Variants in LRPPRC observed in about 807,000 individuals in gnomAD.
The protein encoded by LRPPRC is leucine rich pentatricopeptide repeat containing, also known as leucine-rich PPR motif-containing protein, mitochondrial.
A neutral mutation model predicts 180.3 loss-of-function variants in LRPPRC; 120 were observed. The observed-to-expected ratio is 0.67, with a 90% CI of 0.57 to 0.77. The LOEUF is 0.77. LRPPRC is among the 30% of genes least tolerant of loss of function. LRPPRC has a pLI of 0.00. For missense variants in LRPPRC, 2,012 were observed against 1,657.2 expected, an observed-to-expected ratio of 1.21 and a Z score of -3.72; for synonymous variants, 723 against 600.0, an observed-to-expected ratio of 1.21 and a Z score of -3.00.
chr2:43,889,632 A>G (rs1442254999), intron 37 of LRPPRC, 102 bp downstream of exon 37: 2 of 997,626 alleles, frequency 2.0e-6, no homozygotes, highest in Admixed American at 1.8e-5. Flanking sequence ...CAGAGATCTA[A>G]TCCTCATGTA....
intron 1 of LRPPRC, among the ~76,000 whole-genome samples, chr2:43,990,485 A>G (rs1674726341): frequency 1.3e-5 from 2 of 152,218 alleles, no homozygotes; most frequent in African/African-American, 4.8e-5. Context: ...AACGGCTTCC[A>G]ATCATCAACT....
At chr2:43,994,674 A>T (rs563574546) in intron 1 of LRPPRC, among the ~76,000 whole-genome samples, 1 of 152,280 alleles carries the variant, frequency 6.6e-6, no homozygotes, top group East Asian at 1.9e-4. Context: ...CTTAATTTAC[A>T]AGCATCAGTC....
intron 11 of LRPPRC, among the ~76,000 whole-genome samples, chr2:43,967,662 C>G (rs1303275815): frequency 6.6e-6 from 1 of 152,100 alleles, no homozygotes; most frequent in Non-Finnish European, 1.5e-5. Context: ...CCACTACACT[C>G]CAGCCTGGAC....
At chr2:43,955,728 A>ACC (rs1281954050) in intron 14 of LRPPRC, among the ~76,000 whole-genome samples, 1 of 152,072 alleles carries the variant, frequency 6.6e-6, no homozygotes, top group Non-Finnish European at 1.5e-5. Flanking sequence ...ACAGAGCGAG[A>ACC]CCCTATCTCA....
intron 15 of LRPPRC, among the ~76,000 whole-genome samples, chr2:43,950,301 G>A (rs548440881): frequency 2.6e-4 from 40 of 151,928 alleles, no homozygotes; most frequent in Non-Finnish European, 5.3e-4. Flanking sequence ...CATGGTGGTC[G>A]GCTGCACAGA....
chr2:43,961,521 C>G (rs1225392826), intron 12 of LRPPRC, among the ~76,000 whole-genome samples: 2 of 152,204 alleles, frequency 1.3e-5, no homozygotes, highest in Admixed American at 6.5e-5. Flanking sequence ...AACATACATG[C>G]TAAGCAATGA....
rs113545857 is a variant in LRPPRC at position 43,886,898 on chromosome 2, T to A, written c.*1702A>T. On this transcript the variant is annotated 3_prime_UTR_variant, in exon 38 of 38. Transcript: ENST00000260665. ...GCTCACACCTGTAATCCCAGCACTT[T>A]GGGAGGCTGAAGCGAGCGCAGGGGG... 6.6e-6 allele frequency: 1 copy of A among 152,168 alleles called. No individual in the cohort carries two copies. Among genetic ancestry groups the A allele is most frequent in the African/African-American group, 2.4e-5 (1 of 41,398 alleles). The allele number at this position is 152,168 out of a possible 1,614,324, so 9.4% of individuals were successfully genotyped here.
intron 3 of LRPPRC, among the ~76,000 whole-genome samples, chr2:43,978,653 A>G (rs543139595): frequency 6.6e-5 from 10 of 152,116 alleles, no homozygotes; most frequent in African/African-American, 2.4e-4. Context: ...GAAAGTCAAC[A>G]TTTATCTATA....
At chr2:43,935,928 A>T (rs1331655985) in intron 23 of LRPPRC, among the ~76,000 whole-genome samples, 3 of 152,146 alleles carry the variant, frequency 2.0e-5, no homozygotes, top group African/African-American at 7.2e-5. Context: ...TATTAAAAAT[A>T]TAAAATTAGC....
intron 17 of LRPPRC, 84 bp downstream of exon 17, chr2:43,948,328 G>C: frequency 1.0e-6 from 1 of 955,404 alleles, no homozygotes; most frequent in Non-Finnish European, 1.7e-6. Flanking sequence ...AAGTGGTCTG[G>C]TTGTACTTAA....
chr2:43,959,447 TTAA>T (rs1673251140), intron 13 of LRPPRC, among the ~76,000 whole-genome samples: 1 of 152,214 alleles, frequency 6.6e-6, no homozygotes, highest in South Asian at 2.1e-4. Flanking sequence ...GAATATAACA[TTAA>T]TGAGAGCTTA....
Position 43,977,242 on chromosome 2 carries a change from T to C in LRPPRC, c.504A>G (p.Leu168=), listed in dbSNP as rs768294999. The C allele has an allele frequency of 6.3e-7, 1 of 1,599,712 alleles. No homozygotes were observed. Among genetic ancestry groups the C allele is most frequent in the East Asian group, 2.2e-5 (1 of 44,718 alleles). Reference sequence around the variant, plus strand: ...ATTCATTTTGAAGATAGACTTTAAGTAAAGCATTATAGTGACTCACATCAT... The same window carrying C: ...ATTCATTTTGAAGATAGACTTTAAGCAAAGCATTATAGTGACTCACATCAT... ...AVYDVSHYNA[L]LKVYLQNEYK... Residue 168 remains leucine, a synonymous_variant, in exon 4 of 38, where the codon TTA becomes TTG. Transcript: ENST00000260665.
intron 11 of LRPPRC, among the ~76,000 whole-genome samples, chr2:43,971,396 T>C (rs755467967): frequency 4.8e-5 from 7 of 147,048 alleles, no homozygotes; most frequent in Non-Finnish European, 8.9e-5. Context: ...AGGTTGGTGA[T>C]GGCTAAATTT....
intron 36 of LRPPRC, among the ~76,000 whole-genome samples, chr2:43,891,890 G>A (rs1332308061): frequency 6.6e-6 from 1 of 152,238 alleles, no homozygotes; most frequent in East Asian, 1.9e-4. Flanking sequence ...GTCCTTGAAG[G>A]AAATTAAAAA....
chr2:43,948,024 T>A, intron 18 of LRPPRC, 98 bp downstream of exon 18: 5 of 880,772 alleles, frequency 5.7e-6, no homozygotes, highest in Non-Finnish European at 9.4e-6. Context: ...GAAACAAATT[T>A]TTTTTCTGAC....
chr2:43,937,534 C>G (rs1433517091), intron 23 of LRPPRC, among the ~76,000 whole-genome samples: 3 of 152,068 alleles, frequency 2.0e-5, no homozygotes, highest in Non-Finnish European at 4.4e-5. Flanking sequence ...TTTAAAAGCA[C>G]CTAAAATTTG....
rs1673256486 is a variant in LRPPRC, at chr2:43,959,601, T to G, written c.1582+940A>C. Among the ~76,000 whole-genome samples the G allele has an allele frequency of 3.9e-5, 6 of 152,336 alleles. No homozygotes were observed. In the South Asian group the frequency reaches 1.2e-3, roughly 32 times the overall value. ...TAAGGTCTCTTAAGAACGTCTTATT[T>G]ATTAATTAAAAATAAAATACAGGCC... On this transcript the variant is annotated intron_variant, in intron 13 of 37. Coordinates refer to ENST00000260665, the MANE Select transcript of LRPPRC (RefSeq NM_133259.4).
At chr2:43,927,167 C>T (rs565828442) in intron 25 of LRPPRC, among the ~76,000 whole-genome samples, 12 of 152,350 alleles carry the variant, frequency 7.9e-5, no homozygotes, top group Admixed American at 7.2e-4. Flanking sequence ...AAACTACATA[C>T]TCATTAGCCC....
chr2:43,946,544 G>T (rs1010667681), intron 20 of LRPPRC, among the ~76,000 whole-genome samples: 4 of 151,996 alleles, frequency 2.6e-5, no homozygotes, highest in Admixed American at 6.6e-5. Context: ...TCCAGATTAA[G>T]TAATTCCCAA....
Sources: gnomAD v4.1 joint callset for allele counts (sites outside exome capture counted in the v4.1 genomes callset) on GRCh38, gnomAD v4.1.1 for gene constraint, MANE v1.5 for transcripts, NCBI Gene and HGNC (gene_info 2026-07-23, HGNC 2026-07-21) for gene names.